The following LY6S variants were observed in gnomAD, a reference collection of about 807,000 sequenced individuals.
LY6S encodes lymphocyte antigen 6S.
At chr8:143,069,813 G>T in the LY6S span, among the ~76,000 whole-genome samples, 1 of 152,196 alleles carries the variant, frequency 6.6e-6, no homozygotes, top group Non-Finnish European at 1.5e-5. Flanking sequence ...CGCAAGCAGA[G>T]AACACCTGAA....
the LY6S span, chr8:143,043,153 G>C: frequency 7.3e-7 from 1 of 1,367,816 alleles, no homozygotes; most frequent in Non-Finnish European, 9.8e-7. Context: ...ACTGACCCCA[G>C]GCTGAGCAGG....
At chr8:143,058,327 A>G in the LY6S span, among the ~76,000 whole-genome samples, 1 of 152,216 alleles carries the variant, frequency 6.6e-6, no homozygotes, top group African/African-American at 2.4e-5. Context: ...GATACAAAGC[A>G]AAAGGGGCAG....
At chr8:143,046,329 G>A in the LY6S span, among the ~76,000 whole-genome samples, 1 of 151,356 alleles carries the variant, frequency 6.6e-6, no homozygotes, top group African/African-American at 2.4e-5. Flanking sequence ...TGTGATCCCA[G>A]CACTTTGGGA....
chr8:143,073,502 G>A, the LY6S span, among the ~76,000 whole-genome samples: 5 of 146,444 alleles, frequency 3.4e-5, no homozygotes, highest in Admixed American at 6.7e-5. Flanking sequence ...CGTCGTCCCC[G>A]GGGCTCCTGT....
At chr8:143,045,702 CAG>C in the LY6S span, among the ~76,000 whole-genome samples, 2 of 152,184 alleles carry the variant, frequency 1.3e-5, no homozygotes, top group Admixed American at 1.3e-4. The surrounding 1 kb of genome is among the most constrained non-coding windows in gnomAD (Gnocchi z 5.3). Context: ...GCAGGCTTGC[CAG>C]AGAGAGGAAG....
the LY6S span, among the ~76,000 whole-genome samples, chr8:143,043,779 G>A: frequency 6.6e-6 from 1 of 152,240 alleles, no homozygotes; most frequent in Admixed American, 6.5e-5. Flanking sequence ...GGGTTCAAGC[G>A]ATTCTCCTGC....
At chr8:143,070,183 G>A in the LY6S span, among the ~76,000 whole-genome samples, 2 of 151,118 alleles carry the variant, frequency 1.3e-5, no homozygotes, top group Admixed American at 6.6e-5. Context: ...CCTCTTATAA[G>A]GACACCAGGC....
the LY6S span, among the ~76,000 whole-genome samples, chr8:143,045,109 A>G: frequency 6.6e-6 from 1 of 152,146 alleles, no homozygotes; most frequent in Admixed American, 6.5e-5. The surrounding 1 kb of genome is among the most constrained non-coding windows in gnomAD (Gnocchi z 5.3). Context: ...CGCGGTAACA[A>G]GCACAGAGCA....
At chr8:143,060,767 A>C in the LY6S span, among the ~76,000 whole-genome samples, 2 of 152,240 alleles carry the variant, frequency 1.3e-5, no homozygotes, top group South Asian at 4.1e-4. Flanking sequence ...TCATCTCCAC[A>C]CACGAGGAGA....
chr8:143,070,432 ATT>A, the LY6S span, among the ~76,000 whole-genome samples: 4 of 98,136 alleles, frequency 4.1e-5, 1 homozygote, highest in South Asian at 3.0e-4. Context: ...TTATATATAT[ATT>A]ATATATATAT....
the LY6S span, among the ~76,000 whole-genome samples, chr8:143,070,487 A>ATTTTTTTTTTTTTTTTTTTT: frequency 1.2e-5 from 1 of 84,070 alleles, no homozygotes; most frequent in African/African-American, 7.6e-5. Context: ...ATATATATAT[A>ATTTTTTTTTTTTTTTTTTTT]TATTTTTTTT....
At chr8:143,042,940 G>C in the LY6S span, 2 of 1,238,724 alleles carry the variant, frequency 1.6e-6, no homozygotes. Flanking sequence ...GTTTAAGCAG[G>C]GATATGTTCC....
At chr8:143,059,961 T>C in the LY6S span, 1 of 152,182 alleles carries the variant, frequency 6.6e-6, no homozygotes, top group Non-Finnish European at 1.5e-5. Flanking sequence ...TAGAAATAAA[T>C]TATAGATATG....
the LY6S span, among the ~76,000 whole-genome samples, chr8:143,045,936 C>T: frequency 0.5 from 75,742 of 151,696 alleles, 22,283 homozygotes; most frequent in Non-Finnish European, 0.64. The surrounding 1 kb of genome is among the most constrained non-coding windows in gnomAD (Gnocchi z 5.3). Flanking sequence ...TCACTGCAAC[C>T]TCTGCTTCCC....
the LY6S span, among the ~76,000 whole-genome samples, chr8:143,073,492 C>G: frequency 1.3e-5 from 2 of 149,504 alleles, no homozygotes; most frequent in Non-Finnish European, 3.0e-5. Flanking sequence ...AGGAGACAGC[C>G]GTCGTCCCCG....
chr8:143,069,616 C>T, the LY6S span, among the ~76,000 whole-genome samples: 1 of 152,240 alleles, frequency 6.6e-6, no homozygotes, highest in African/African-American at 2.4e-5. Context: ...GGACGGGACA[C>T]ACAGGCGCTG....
the LY6S span, among the ~76,000 whole-genome samples, chr8:143,051,867 G>T: frequency 6.6e-6 from 1 of 151,576 alleles, no homozygotes; most frequent in Non-Finnish European, 1.5e-5. Context: ...AGCTACTCGG[G>T]AGGCTGAGGC....
the LY6S span, chr8:143,044,072 A>C: frequency 4.4e-6 from 2 of 451,108 alleles, no homozygotes; most frequent in Non-Finnish European, 8.9e-6. Context: ...GAGGGTGCTG[A>C]GGGCCTGGGC....
chr8:143,062,247 C>T, the LY6S span, among the ~76,000 whole-genome samples: 1 of 152,116 alleles, frequency 6.6e-6, no homozygotes, highest in Non-Finnish European at 1.5e-5. Flanking sequence ...CAAATATATT[C>T]TATAGACTGA....
Sources: allele counts gnomAD v4.1 joint callset (sites outside exome capture counted in the v4.1 genomes callset), GRCh38; gene constraint gnomAD v4.1.1; non-coding constraint Gnocchi (gnomAD v3.1); transcripts MANE v1.5; gene names NCBI Gene and HGNC (gene_info 2026-07-23, HGNC 2026-07-21).